Variants in KCNK9 observed in about 807,000 individuals in gnomAD.
KCNK9 encodes potassium two pore domain channel subfamily K member 9.
In KCNK9, 1 loss-of-function variant was observed where a neutral mutation model predicts 10.8. The observed-to-expected ratio is 0.09, with a 90% confidence interval of 0.03 to 0.44. The LOEUF is 0.44. Ranked by LOEUF, KCNK9 falls within the 20% of genes least tolerant of loss-of-function variation. KCNK9 has a pLI of 0.97. For synonymous variants in KCNK9, 231 were observed against 222.7 expected, an observed-to-expected ratio of 1.04 and a Z score of -0.33; for missense variants, 303 against 515.0, an observed-to-expected ratio of 0.59 and a Z score of 3.98.
intron 1 of KCNK9, among the ~76,000 whole-genome samples, chr8:139,688,803 A>G (rs1816875700): frequency 6.6e-6 from 1 of 152,216 alleles, no homozygotes. Context: ...CAGAAAAGCA[A>G]CATGAGCTGA....
chr8:139,606,781 C>G (rs1322320226), intron 2 of KCNK9, among the ~76,000 whole-genome samples: 1 of 152,172 alleles, frequency 6.6e-6, no homozygotes, highest in Non-Finnish European at 1.5e-5. Flanking sequence ...TGTAAGCCGC[C>G]TCATCAATGT....
rs534306233 is a variant in KCNK9, at chr8:139,693,903, C to T, written c.283+8807G>A. On this transcript the variant is annotated intron_variant, in intron 1 of 1. Transcript: ENST00000520439. This position sits in a 1 kb window ranked among gnomAD's most constrained non-coding sequence, Gnocchi z 4.1. Reference sequence around the variant, plus strand: ...GTGGTGTCCCAGGAAGCCATAGTATCCCAACAGAACTGAGTTGGGGAAATC... The same window carrying T: ...GTGGTGTCCCAGGAAGCCATAGTATTCCAACAGAACTGAGTTGGGGAAATC... Among the ~76,000 whole-genome samples, 1 of 152,234 alleles carries T rather than the reference C, an allele frequency of 6.6e-6. No individual in the cohort carries two copies. Among genetic ancestry groups the T allele is most frequent in the East Asian group, 1.9e-4 (1 of 5,178 alleles).
chr8:139,677,824 C>CTACAGCTTCAGAGTAATACCT lies in KCNK9; in HGVS notation c.283+24885_283+24886insAGGTATTACTCTGAAGCTGTA, dbSNP rs1816592670. ...CCTCACCTCCCAGCCCAACAGGTCC[C>CTACAGCTTCAGAGTAATACCT]CACAGCTGCAGAGTAGTACCTCACA... On this transcript the variant is annotated intron_variant, in intron 1 of 1. Coordinates refer to ENST00000520439, the MANE Select transcript of KCNK9 (RefSeq NM_001282534.2). Among the ~76,000 whole-genome samples, 10 of 147,122 alleles carry CTACAGCTTCAGAGTAATACCT rather than the reference C, an allele frequency of 6.8e-5. 1 individual carries two copies. The highest frequency in any genetic ancestry group is 2.7e-4 in the African/African-American group (10 of 37,454).
intron 1 of KCNK9, among the ~76,000 whole-genome samples, chr8:139,652,328 C>A (rs751351471): frequency 5.3e-5 from 8 of 152,234 alleles, no homozygotes; most frequent in Admixed American, 2.0e-4. Flanking sequence ...TTGTTCCAAG[C>A]AGATTCTCTT....
chr8:139,650,112 G>A (rs1488633722), intron 1 of KCNK9, among the ~76,000 whole-genome samples: 1 of 152,192 alleles, frequency 6.6e-6, no homozygotes, highest in Non-Finnish European at 1.5e-5. Flanking sequence ...TGTGGCTGTG[G>A]GAAGAACTTG....
intron 1 of KCNK9, 109 bp from the exon 2 acceptor site, chr8:139,619,208 G>A (rs1265622557): frequency 8.0e-7 from 1 of 1,245,202 alleles, no homozygotes; most frequent in South Asian, 1.3e-5. Flanking sequence ...GAGGGACCTG[G>A]TACTGGGGGA....
At chr8:139,655,386 C>A (rs910981161) in intron 1 of KCNK9, among the ~76,000 whole-genome samples, 1 of 152,164 alleles carries the variant, frequency 6.6e-6, no homozygotes, top group African/African-American at 2.4e-5. Context: ...TTTCTCGCCA[C>A]CCAGACATGC....
At chr8:139,689,878 G>A (rs962460866) in intron 1 of KCNK9, among the ~76,000 whole-genome samples, 3 of 152,084 alleles carry the variant, frequency 2.0e-5, no homozygotes, top group Non-Finnish European at 2.9e-5. Flanking sequence ...TCCTGACCTC[G>A]TGATCTGCCC....
At chr8:139,634,016 G>A (rs370950503) in intron 1 of KCNK9, among the ~76,000 whole-genome samples, 7 of 152,214 alleles carry the variant, frequency 4.6e-5, no homozygotes, top group East Asian at 1.9e-4. Context: ...TGTGCCTGCC[G>A]CATACAGGCC....
At chr8:139,633,069 G>A (rs140918548) in intron 1 of KCNK9, among the ~76,000 whole-genome samples, 50 of 152,248 alleles carry the variant, frequency 3.3e-4, no homozygotes, top group African/African-American at 1.1e-3. Context: ...ATCTGGCAGG[G>A]TGCAGCCTGC....
intron 1 of KCNK9, among the ~76,000 whole-genome samples, chr8:139,656,542 G>A (rs898265557): frequency 6.6e-6 from 1 of 152,232 alleles, no homozygotes; most frequent in African/African-American, 2.4e-5. Flanking sequence ...TGGGAATGCT[G>A]AAGCTTGTCA....
At chr8:139,688,379 C>A (rs1320805769) in intron 1 of KCNK9, among the ~76,000 whole-genome samples, 1 of 152,148 alleles carries the variant, frequency 6.6e-6, no homozygotes, top group Non-Finnish European at 1.5e-5. Flanking sequence ...AACTTACAAT[C>A]GTGGTGGAAA....
chr8:139,622,811 G>A (rs1348932537), intron 1 of KCNK9, among the ~76,000 whole-genome samples: 1 of 152,176 alleles, frequency 6.6e-6, no homozygotes, highest in African/African-American at 2.4e-5. Flanking sequence ...CCACATGTCA[G>A]ATGTTCCCAA....
Position 139,618,864 on chromosome 8 carries a change from G to C in KCNK9, c.519C>G (p.Ile173Met). 1 of 1,614,208 alleles carries C rather than the reference G, an allele frequency of 6.2e-7. No individual in the cohort carries two copies. The highest frequency in any genetic ancestry group is 8.5e-7 in the Non-Finnish European group (1 of 1,180,042). Residue 173 changes from isoleucine (I) to methionine (M), a missense_variant, in exon 2 of 2, where the codon ATC (isoleucine) becomes ATG (methionine). Ile to Met is a conservative substitution (Grantham distance 10). Coordinates refer to ENST00000520439, the MANE Select transcript of KCNK9 (RefSeq NM_001282534.2). The surrounding 1 kb of genome is among the most constrained non-coding windows in gnomAD (Gnocchi z 7.9). ...CACACTGGGAGAAGGCGGCCGCCCC[G>C]ATGCACAGCGTCCCCATGCAGGAGA... The part of the protein sequence containing the change: ...GFFSCMGTLC[I>M]GAAAFSQCEE...
chr8:139,664,172 C>A (rs1035004169), intron 1 of KCNK9, among the ~76,000 whole-genome samples: 2 of 152,248 alleles, frequency 1.3e-5, no homozygotes, highest in African/African-American at 4.8e-5. Flanking sequence ...TGATGTCTGA[C>A]ATTATGTGAC....
At chr8:139,603,622 C>T (rs1341476470) in intron 2 of KCNK9, among the ~76,000 whole-genome samples, 1 of 152,176 alleles carries the variant, frequency 6.6e-6, no homozygotes, top group African/African-American at 2.4e-5. Flanking sequence ...CCAGGACTGT[C>T]CACCTTGCTC....
chr8:139,681,470 G>A (rs1161088620), intron 1 of KCNK9, among the ~76,000 whole-genome samples: 1 of 152,226 alleles, frequency 6.6e-6, no homozygotes, highest in Admixed American at 6.5e-5. Flanking sequence ...GGGAAGGAGT[G>A]AGAAGCTGGG....
intron 1 of KCNK9, among the ~76,000 whole-genome samples, chr8:139,673,146 A>C (rs985381392): frequency 3.9e-5 from 6 of 152,196 alleles, no homozygotes; most frequent in African/African-American, 1.4e-4. Flanking sequence ...AACTGGGCTC[A>C]AAACCTTGTG....
At position 139,669,563 on chromosome 8, in the gene KCNK9, G is replaced by C. The variant is rs555873208; in HGVS notation, c.283+33147C>G. On this transcript the variant is annotated intron_variant, in intron 1 of 1. Coordinates refer to ENST00000520439, the MANE Select transcript of KCNK9 (RefSeq NM_001282534.2). ...CATCCATTAGTTTGATCATGAGATT[G>C]CAGCAATTCAGTCACATCTTCAGGC... is the stretch of plus-strand genomic sequence containing the variant. 7.9e-5 allele frequency among the ~76,000 whole-genome samples: 12 copies of C among 152,302 alleles called. 1 individual carries two copies. The South Asian group carries it at 2.5e-3, about 32-fold the overall frequency.
Sources: gnomAD v4.1 joint callset for allele counts (sites outside exome capture counted in the v4.1 genomes callset) on GRCh38, gnomAD v4.1.1 for gene constraint, Gnocchi (gnomAD v3.1) non-coding constraint, MANE v1.5 for transcripts, NCBI Gene and HGNC (gene_info 2026-07-23, HGNC 2026-07-21) for gene names.